CHRM3: variants seen among roughly 807,000 people sequenced by gnomAD.
CHRM3 encodes the protein muscarinic acetylcholine receptor M3.
In CHRM3, 11 loss-of-function variants were observed where a neutral mutation model predicts 41.8. The observed-to-expected ratio is 0.26, with a 90% CI of 0.17 to 0.44. The LOEUF is 0.44. CHRM3 is among the 20% of genes least tolerant of loss of function. The pLI is 1.00. For synonymous variants in CHRM3, 297 were observed against 301.4 expected (o/e 0.99, Z 0.15); for missense variants, 571 against 745.4 (o/e 0.77, Z 2.72).
At chr1:239,642,491 C>T (rs1432085810) in intron 4 of CHRM3, among the ~76,000 whole-genome samples, 1 of 152,080 alleles carries the variant, frequency 6.6e-6, no homozygotes, top group African/African-American at 2.4e-5. Flanking sequence ...ATCTAAACTT[C>T]CCTTCTCGCT....
chr1:239,843,980 T>C (rs1193688614), intron 6 of CHRM3, among the ~76,000 whole-genome samples: 1 of 152,188 alleles, frequency 6.6e-6, no homozygotes, highest in African/African-American at 2.4e-5. Context: ...ACACGTTATA[T>C]ATACAGTTTG....
chr1:239,414,119 T>A (rs1449529237), intron 1 of CHRM3, among the ~76,000 whole-genome samples: 1 of 152,170 alleles, frequency 6.6e-6, no homozygotes, highest in African/African-American at 2.4e-5. Flanking sequence ...GTGCCGTCTC[T>A]CCAGCTAAAA....
At chr1:239,872,656 CATTATACT>C (rs1676694004) in intron 6 of CHRM3, among the ~76,000 whole-genome samples, 1 of 152,180 alleles carries the variant, frequency 6.6e-6, no homozygotes, top group Non-Finnish European at 1.5e-5. Context: ...TAAGGGTAAA[CATTATACT>C]TATGAAAATG....
chr1:239,643,182 G>A (rs905507264), intron 4 of CHRM3, among the ~76,000 whole-genome samples: 5 of 152,148 alleles, frequency 3.3e-5, no homozygotes, highest in African/African-American at 1.2e-4. Context: ...CCTACTGGGG[G>A]GTGCCTCCCA....
chr1:239,775,740 A>T (rs1174489179), intron 5 of CHRM3, among the ~76,000 whole-genome samples: 1 of 152,208 alleles, frequency 6.6e-6, no homozygotes, highest in Non-Finnish European at 1.5e-5. Flanking sequence ...ACCAGTCATC[A>T]TATGATCAGG....
At position 239,473,622 on chromosome 1, in the gene CHRM3, A is replaced by G. The variant is rs566714415; in HGVS notation, c.-520-19087A>G. Among the ~76,000 whole-genome samples the G allele has an allele frequency of 7.5e-4, 114 of 152,318 alleles. 1 individual carries two copies. The Middle Eastern group carries it at 0.02, about 27-fold the overall frequency. On this transcript the variant is annotated intron_variant, in intron 1 of 6. Coordinates refer to ENST00000676153, the MANE Select transcript of CHRM3 (RefSeq NM_001375978.1). ...ATAATTTTATAATAATGAAAGCCAG[A>G]AACAACTCAAATGACACTGGAAAAG...
chr1:239,840,538 G>T (rs1020001319), intron 6 of CHRM3, among the ~76,000 whole-genome samples: 14 of 152,182 alleles, frequency 9.2e-5, no homozygotes, highest in African/African-American at 3.4e-4. Context: ...TCAAAATGCT[G>T]TCTACTGCCC....
At chr1:239,522,862 G>A (rs1260977744) in intron 2 of CHRM3, among the ~76,000 whole-genome samples, 1 of 152,106 alleles carries the variant, frequency 6.6e-6, no homozygotes, top group African/African-American at 2.4e-5. Context: ...AAATGTAGTG[G>A]TGTAGCAAAA....
chr1:239,427,345 G>A (rs1187973322), intron 1 of CHRM3, among the ~76,000 whole-genome samples: 1 of 152,124 alleles, frequency 6.6e-6, no homozygotes, highest in African/African-American at 2.4e-5. Context: ...ACCTCTCCTA[G>A]GCCTGGAGGG....
At chr1:239,500,001 A>C (rs1668119614) in intron 2 of CHRM3, among the ~76,000 whole-genome samples, 1 of 152,202 alleles carries the variant, frequency 6.6e-6, no homozygotes, top group African/African-American at 2.4e-5. Flanking sequence ...ATCTTGAAAC[A>C]AATCCTGGAA....
At chr1:239,847,181 T>C (rs1418353584) in intron 6 of CHRM3, among the ~76,000 whole-genome samples, 1 of 152,190 alleles carries the variant, frequency 6.6e-6, no homozygotes, top group African/African-American at 2.4e-5. Context: ...ACTTTTCTTT[T>C]AAAGGAGACT....
intron 5 of CHRM3, among the ~76,000 whole-genome samples, chr1:239,700,633 T>C (rs193216040): frequency 1.4e-3 from 219 of 152,268 alleles, no homozygotes; most frequent in African/African-American, 5.2e-3. Flanking sequence ...CCCACTGGCA[T>C]CTTAATGGGC....
At chr1:239,458,362 G>A (rs1222465063) in intron 1 of CHRM3, among the ~76,000 whole-genome samples, 1 of 152,156 alleles carries the variant, frequency 6.6e-6, no homozygotes, top group African/African-American at 2.4e-5. Context: ...ACTGGCTGCT[G>A]TGTTTCGGGA....
chr1:239,593,104 T>A (rs1263602640), intron 3 of CHRM3, among the ~76,000 whole-genome samples: 1 of 152,194 alleles, frequency 6.6e-6, no homozygotes, highest in African/African-American at 2.4e-5. Flanking sequence ...GAAGCTTTGC[T>A]GATAAAATCA....
At chr1:239,564,253 T>C (rs1661149289) in intron 3 of CHRM3, among the ~76,000 whole-genome samples, 2 of 152,294 alleles carry the variant, frequency 1.3e-5, no homozygotes, top group African/African-American at 2.4e-5. Context: ...AAGTAGAACA[T>C]ATATTACATT....
intron 2 of CHRM3, among the ~76,000 whole-genome samples, chr1:239,541,164 G>T (rs184199485): frequency 6.6e-6 from 1 of 150,428 alleles, no homozygotes; most frequent in East Asian, 2.0e-4. Context: ...CAGGTACTCA[G>T]GTGAGCAAGA....
chr1:239,748,602 C>T lies in CHRM3; in HGVS notation c.-147+70314C>T, dbSNP rs1283880242. Among the ~76,000 whole-genome samples, 1 of 152,114 alleles carries T rather than the reference C, an allele frequency of 6.6e-6. No homozygotes were observed. Among genetic ancestry groups the T allele is most frequent in the Non-Finnish European group, 1.5e-5 (1 of 68,028 alleles). ...AAAATTTAAACTACGAAGTTATTAACCAGAATCAATTTGTGTATATCTTGC... is the reference window on the plus strand; with the variant it reads ...AAAATTTAAACTACGAAGTTATTAATCAGAATCAATTTGTGTATATCTTGC... On this transcript the variant is annotated intron_variant, in intron 5 of 6. Coordinates refer to ENST00000676153, the MANE Select transcript of CHRM3 (RefSeq NM_001375978.1). The surrounding 1 kb of genome is among the most constrained non-coding windows in gnomAD (Gnocchi z 4.3).
At chr1:239,888,898 G>GA (rs1439332387) in intron 6 of CHRM3, among the ~76,000 whole-genome samples, 2 of 152,114 alleles carry the variant, frequency 1.3e-5, no homozygotes, top group Non-Finnish European at 2.9e-5. Context: ...TATGCAGACT[G>GA]AGTAACCAAG....
intron 6 of CHRM3, among the ~76,000 whole-genome samples, chr1:239,883,769 C>T (rs578067387): frequency 6.6e-6 from 1 of 152,256 alleles, no homozygotes; most frequent in Admixed American, 6.5e-5. Context: ...AATAAATAAA[C>T]GAAATATAAA....
Sources: gnomAD v4.1 joint callset for allele counts (sites outside exome capture counted in the v4.1 genomes callset) on GRCh38, gnomAD v4.1.1 for gene constraint, Gnocchi (gnomAD v3.1) non-coding constraint, MANE v1.5 for transcripts, NCBI Gene and HGNC (gene_info 2026-07-23, HGNC 2026-07-21) for gene names.